The following ZFP91 variants were observed in gnomAD, a reference collection of about 807,000 sequenced individuals.
The protein encoded by ZFP91 is E3 ubiquitin-protein ligase ZFP91.
A neutral mutation model predicts 63.5 loss-of-function variants in ZFP91; 7 were observed. The ratio of observed to expected loss-of-function variants is 0.11; its 90% CI spans 0.06 to 0.21. The LOEUF (loss-of-function observed/expected upper bound fraction) is 0.21, where lower values mean the gene tolerates loss of function less well. ZFP91 is among the 10% of genes least tolerant of loss of function. ZFP91 has a pLI of 1.00. For missense variants in ZFP91, 628 were observed against 736.6 expected (o/e 0.85, Z 1.71); for synonymous variants, 330 against 272.1 (o/e 1.21, Z -2.10).
intron 2 of ZFP91, among the ~76,000 whole-genome samples, chr11:58,608,692 C>T (rs1178775119): frequency 6.6e-6 from 1 of 152,128 alleles, no homozygotes; most frequent in African/African-American, 2.4e-5. Flanking sequence ...GCAACCTCCA[C>T]CTCCCGGGTT....
Position 58,617,070 on chromosome 11 carries a change from TTGTGTGTGTGTGTGTG to T in ZFP91, c.1203-112_1203-97del, listed in dbSNP as rs143676081. The T allele has an allele frequency of 1.1e-5, 8 of 739,918 alleles. No individual in the cohort carries two copies. Among genetic ancestry groups the T allele is most frequent in the African/African-American group, 1.8e-5 (1 of 54,778 alleles). The allele number at this position is 739,918 out of a possible 1,614,324, so 45.8% of individuals were successfully genotyped here. ...TTCAAAAGAAGTATGTTACTGATTA[TTGTGTGTGTGTGTGTG>T]TGTGTGTGTGTGTATGTATATATAT... On this transcript the variant is annotated intron_variant, in intron 10 of 10. Coordinates refer to ENST00000316059, the MANE Select transcript of ZFP91 (RefSeq NM_053023.5). This position sits in a 1 kb window ranked among gnomAD's most constrained non-coding sequence, Gnocchi z 4.2.
intron 2 of ZFP91, among the ~76,000 whole-genome samples, chr11:58,597,810 A>T (rs1283529808): frequency 6.6e-6 from 1 of 152,216 alleles, no homozygotes. Context: ...CTGCAGCTAC[A>T]CACCTCAACC....
At position 58,617,079 on chromosome 11, in the gene ZFP91, T is replaced by G. The variant is rs1342081638; in HGVS notation, c.1203-117T>G. The G allele has an allele frequency of 1.1e-6, 1 of 914,896 alleles. No individual in the cohort carries two copies. Among genetic ancestry groups the G allele is most frequent in the African/African-American group, 1.7e-5 (1 of 59,710 alleles). 56.7% of individuals were successfully genotyped at this position (914,896 alleles called of 1,614,324 possible). On this transcript the variant is annotated intron_variant, in intron 10 of 10. Transcript: ENST00000316059. The surrounding 1 kb of genome is among the most constrained non-coding windows in gnomAD (Gnocchi z 4.2). ...AGTATGTTACTGATTATTGTGTGTG[T>G]GTGTGTGTGTGTGTGTGTGTATGTA... is the stretch of plus-strand genomic sequence containing the variant.
chr11:58,584,743 A>G, intron 1 of ZFP91, 113 bp from the exon 2 acceptor site: 1 of 939,544 alleles, frequency 1.1e-6, no homozygotes, highest in Non-Finnish European at 1.5e-6. Context: ...CTGTAGGACA[A>G]CACTAGTCTA....
chr11:58,607,834 C>T (rs765718333), intron 2 of ZFP91, among the ~76,000 whole-genome samples: 1 of 152,062 alleles, frequency 6.6e-6, no homozygotes, highest in Non-Finnish European at 1.5e-5. Context: ...AGTATTCAAT[C>T]ATACTAAGGT....
At chr11:58,581,165 C>G (rs930500699) in intron 1 of ZFP91, among the ~76,000 whole-genome samples, 2 of 151,996 alleles carry the variant, frequency 1.3e-5, no homozygotes, top group Non-Finnish European at 1.5e-5. Context: ...ATGGTAGATC[C>G]TTGAGTGGTT....
Position 58,609,418 on chromosome 11 carries a change from G to C in ZFP91, c.371-412G>C, listed in dbSNP as rs147161355. On this transcript the variant is annotated intron_variant, in intron 2 of 10. Transcript: ENST00000316059. ...CTCTTTAGTAATTTGTTATAGACTT[G>C]TTTGGTTGTAAATAACATCTAGATC... Among the ~76,000 whole-genome samples, 245 of 152,284 alleles carry C rather than the reference G, an allele frequency of 1.6e-3. 1 individual carries two copies. The highest frequency in any genetic ancestry group is 5.7e-3 in the African/African-American group (237 of 41,550).
At chr11:58,609,721 C>A in intron 2 of ZFP91, 109 bp from the exon 3 acceptor site, 1 of 987,620 alleles carries the variant, frequency 1.0e-6, no homozygotes, top group South Asian at 1.8e-5. Flanking sequence ...GTTTTTTTTC[C>A]TTTGAAAATA....
At chr11:58,589,821 A>G (rs1445549804) in intron 2 of ZFP91, among the ~76,000 whole-genome samples, 1 of 152,122 alleles carries the variant, frequency 6.6e-6, no homozygotes, top group African/African-American at 2.4e-5. Context: ...TTCCATTATT[A>G]ATTTCCTACA....
chr11:58,617,535 G>A lies in ZFP91; in HGVS notation c.1542G>A (p.Gly514=). 6.2e-7 allele frequency: 1 copy of A among 1,614,038 alleles called. No individual in the cohort carries two copies. The highest frequency in any genetic ancestry group is 8.5e-7 in the Non-Finnish European group (1 of 1,179,986). Reference sequence around the variant, plus strand: ...AGTGCCTACTGTTAGAAGCTGAAGGGATGTCAAAGTCATACTGCAGTGGGA... The same window carrying A: ...AGTGCCTACTGTTAGAAGCTGAAGGAATGTCAAAGTCATACTGCAGTGGGA... ...SGECLLLEAE[G]MSKSYCSGTE... The change falls in exon 11 of 11, where the codon GGG becomes GGA. Residue 514 remains glycine, a synonymous_variant. Transcript: ENST00000316059. This position sits in a 1 kb window ranked among gnomAD's most constrained non-coding sequence, Gnocchi z 4.2.
At chr11:58,610,071 A>G (rs753531171) in intron 3 of ZFP91, 32 bp downstream of exon 3, 6 of 1,602,570 alleles carry the variant, frequency 3.7e-6, no homozygotes, top group African/African-American at 1.3e-5. Context: ...GCTGTTTACT[A>G]ACTAGTTGCT....
At position 58,615,937 on chromosome 11, in the gene ZFP91, T is replaced by G. The variant is rs771047830; in HGVS notation, c.1103-779T>G. Among the ~76,000 whole-genome samples, 92 of 152,346 alleles carry G rather than the reference T, an allele frequency of 6.0e-4. No individual in the cohort carries two copies. The Middle Eastern group carries it at 0.01, about 17-fold the overall frequency. ...TGGTCATTAATTCAACAAATATATA[T>G]AGAGAGCATCTCTTTGTGCACGGGC... On this transcript the variant is annotated intron_variant, in intron 9 of 10. Coordinates refer to ENST00000316059, the MANE Select transcript of ZFP91 (RefSeq NM_053023.5).
In ZFP91 at chr11:58,609,727, A is replaced by C. The variant is rs542010750; in HGVS notation, c.371-103A>C. 1.7e-5 allele frequency: 18 copies of C among 1,063,924 alleles called. No individual in the cohort carries two copies. The South Asian group carries it at 2.9e-4, about 17-fold the overall frequency. The allele number at this position is 1,063,924 out of a possible 1,614,324, so 65.9% of individuals were successfully genotyped here. On this transcript the variant is annotated intron_variant, in intron 2 of 10. Coordinates refer to ENST00000316059, the MANE Select transcript of ZFP91 (RefSeq NM_053023.5). Reference sequence around the variant, plus strand: ...AAGTCTTCAGTTTTTTTTCCTTTGAAAATATTTAATTTATCTTCAACTGTA... The same window carrying C: ...AAGTCTTCAGTTTTTTTTCCTTTGACAATATTTAATTTATCTTCAACTGTA...
Position 58,617,815 on chromosome 11 carries a change from C to T in ZFP91, c.*109C>T. 2 of 1,391,268 alleles carry T rather than the reference C, an allele frequency of 1.4e-6. No individual in the cohort carries two copies. The highest frequency in any genetic ancestry group is 1.9e-6 in the Non-Finnish European group (2 of 1,069,178). 86.2% of individuals were successfully genotyped at this position (1,391,268 alleles called of 1,614,324 possible). A position where few individuals can be genotyped will look rare whatever the true frequency, so the allele number is the denominator to read the frequency against. On this transcript the variant is annotated 3_prime_UTR_variant, in exon 11 of 11. Coordinates refer to ENST00000316059, the MANE Select transcript of ZFP91 (RefSeq NM_053023.5). The surrounding 1 kb of genome is among the most constrained non-coding windows in gnomAD (Gnocchi z 4.2). ...AAAATCTAGTGAAATAACTGAAGGG[C>T]CTGCTCTTTCCATTGTGGATCACAG...
chr11:58,583,304 T>A (rs1341926110), intron 1 of ZFP91, among the ~76,000 whole-genome samples: 1 of 152,126 alleles, frequency 6.6e-6, no homozygotes, highest in Non-Finnish European at 1.5e-5. Context: ...AGTAACCATA[T>A]TAGCTAATAC....
Position 58,614,258 on chromosome 11 carries a change from G to A in ZFP91, c.1017G>A (p.Lys339=). 6.2e-7 allele frequency: 1 copy of A among 1,607,554 alleles called. No individual in the cohort carries two copies. Among genetic ancestry groups the A allele is most frequent in the African/African-American group, 1.3e-5 (1 of 74,766 alleles). The stretch of plus-strand genomic sequence containing the variant: ...ACATTAAATACCAGCATTTGCTGAA[G>A]AAGAAATATGTATGTCCCCATCCCT... ...QHHIKYQHLL[K]KKYVCPHPSC... is the part of the protein sequence containing the mutation. Residue 339 remains lysine (K), a synonymous_variant, in exon 9 of 11, where the codon AAG becomes AAA. Coordinates refer to ENST00000316059, the MANE Select transcript of ZFP91 (RefSeq NM_053023.5).
rs1195846899 is a variant in ZFP91 at position 58,579,153 on chromosome 11, G to A, written c.-129G>A. On this transcript the variant is annotated 5_prime_UTR_variant, in exon 1 of 11. Coordinates refer to ENST00000316059, the MANE Select transcript of ZFP91 (RefSeq NM_053023.5). ...CTCGGAGCCGGGCGGAGGGGAGGGG[G>A]GAAAGAGGAGCGCAGGGTGAGAGTG... 1.1e-5 allele frequency: 8 copies of A among 734,478 alleles called. No homozygotes were observed. In the Admixed American group the frequency reaches 1.9e-4, roughly 17 times the overall value. The allele number at this position is 734,478 out of a possible 1,614,324, so 45.5% of individuals were successfully genotyped here. A position where few individuals can be genotyped will look rare whatever the true frequency, so the allele number is the denominator to read the frequency against.
intron 8 of ZFP91, among the ~76,000 whole-genome samples, chr11:58,613,852 G>A (rs1855706701): frequency 6.6e-6 from 1 of 152,132 alleles, no homozygotes. Context: ...TCTGGATCGT[G>A]GTTCAGTTAT....
chr11:58,586,408 TC>T (rs58998671), intron 2 of ZFP91, among the ~76,000 whole-genome samples: 5,293 of 152,248 alleles, frequency 0.035, 300 homozygotes, highest in African/African-American at 0.12. Context: ...CCTCAAGTGA[TC>T]CGCCTGCCTC....
Sources: allele counts gnomAD v4.1 joint callset (sites outside exome capture counted in the v4.1 genomes callset), GRCh38; gene constraint gnomAD v4.1.1; non-coding constraint Gnocchi (gnomAD v3.1); transcripts MANE v1.5; gene names NCBI Gene and HGNC (gene_info 2026-07-23, HGNC 2026-07-21).